FLT1: variants seen among roughly 807,000 people sequenced by gnomAD.
FLT1 encodes vascular endothelial growth factor receptor 1.
Under a neutral mutation model 156.3 loss-of-function variants are expected in FLT1, and 49 were observed. That is an observed-to-expected ratio of 0.31 (90% CI 0.25 to 0.40). The LOEUF is 0.40. Ranked by LOEUF, FLT1 falls within the 10% of genes least tolerant of loss-of-function variation. The probability of loss-of-function intolerance (pLI) is 1.00; values close to 1 mark genes in which losing one functional copy is unlikely to be tolerated. For synonymous variants in FLT1, 594 were observed against 583.8 expected (o/e 1.02, Z -0.25); for missense variants, 1,322 against 1,637.2 (o/e 0.81, Z 3.32).
chr13:28,306,400 T>C (rs1225346647), intron 29 of FLT1, among the ~76,000 whole-genome samples: 1 of 152,178 alleles, frequency 6.6e-6, no homozygotes, highest in Non-Finnish European at 1.5e-5. Flanking sequence ...GGTGGGCACA[T>C]CAGGCTTCTT....
At chr13:28,378,260 G>A (rs1873930624) in intron 14 of FLT1, among the ~76,000 whole-genome samples, 1 of 152,082 alleles carries the variant, frequency 6.6e-6, no homozygotes, top group Non-Finnish European at 1.5e-5. Flanking sequence ...TGTTGGCCAG[G>A]ATGGTCTCGA....
chr13:28,419,661 C>G (rs1457355989), intron 10 of FLT1, among the ~76,000 whole-genome samples: 1 of 152,156 alleles, frequency 6.6e-6, no homozygotes, highest in Non-Finnish European at 1.5e-5. Flanking sequence ...GGATGGATCA[C>G]GAGGTCAGGG....
intron 14 of FLT1, among the ~76,000 whole-genome samples, chr13:28,366,514 G>T (rs558146391): frequency 6.6e-6 from 1 of 151,954 alleles, no homozygotes; most frequent in Non-Finnish European, 1.5e-5. Context: ...TTGTTATCCA[G>T]GCTGGAGTGA....
rs1418072508 is a variant in FLT1, at chr13:28,303,121, G to T, written c.*46C>A. ...ACTGGCAAAAGCTAGTTTCCTGGGG[G>T]TATAAATACACATGTGCTTCTAGAA... On this transcript the variant is annotated 3_prime_UTR_variant, in exon 30 of 30. Coordinates refer to ENST00000282397, the MANE Select transcript of FLT1 (RefSeq NM_002019.4). 3 of 1,541,774 alleles carry T rather than the reference G, an allele frequency of 1.9e-6. No individual in the cohort carries two copies. The highest frequency in any genetic ancestry group is 2.7e-5 in the African/African-American group (2 of 73,756).
At chr13:28,444,100 T>C (rs758294437) in intron 3 of FLT1, among the ~76,000 whole-genome samples, 56 of 152,132 alleles carry the variant, frequency 3.7e-4, no homozygotes, top group African/African-American at 1.1e-3. Context: ...AAGGGAGAAA[T>C]AGACAGTTCA....
Position 28,301,161 on chromosome 13 carries a change from T to G in FLT1, c.*2006A>C. ...TTGTTATCACTATTTGCTGGGCTAT[T>G]ATCTGATTTGGAAAAAAAAAAAAAA... On this transcript the variant is annotated 3_prime_UTR_variant, in exon 30 of 30. Transcript: ENST00000282397. 1 of 227,582 alleles carries G rather than the reference T, an allele frequency of 4.4e-6. No homozygotes were observed. Among genetic ancestry groups the G allele is most frequent in the East Asian group, 6.2e-5 (1 of 16,028 alleles). 14.1% of individuals were successfully genotyped at this position (227,582 alleles called of 1,614,324 possible). A position where few individuals can be genotyped will look rare whatever the true frequency, so the allele number is the denominator to read the frequency against.
intron 7 of FLT1, 146 bp from the exon 8 acceptor site, chr13:28,430,313 T>A: frequency 1.5e-6 from 1 of 682,420 alleles, no homozygotes; most frequent in Non-Finnish European, 2.6e-6. Flanking sequence ...CAAATGTTGA[T>A]CATGAATAGG....
At chr13:28,428,303 AG>A (rs1877468577) in intron 8 of FLT1, among the ~76,000 whole-genome samples, 1 of 152,122 alleles carries the variant, frequency 6.6e-6, no homozygotes, top group African/African-American at 2.4e-5. Context: ...ATTGTAAGTC[AG>A]ATCAAGTAGA....
At chr13:28,384,162 A>G (rs1258365739) in intron 14 of FLT1, among the ~76,000 whole-genome samples, 2 of 152,192 alleles carry the variant, frequency 1.3e-5, no homozygotes, top group Non-Finnish European at 2.9e-5. Context: ...GGCCAGACGC[A>G]GTGGCATGCG....
chr13:28,428,967 T>C (rs1566022364), intron 8 of FLT1, among the ~76,000 whole-genome samples: 1 of 152,090 alleles, frequency 6.6e-6, no homozygotes, highest in African/African-American at 2.4e-5. Flanking sequence ...TTTTTGACGG[T>C]GGATTGAATT....
rs190288044 is a variant in FLT1, at chr13:28,474,983, T to A, written c.65-7366A>T. Among the ~76,000 whole-genome samples the A allele has an allele frequency of 2.4e-3, 361 of 152,342 alleles. 1 individual carries two copies. The highest frequency in any genetic ancestry group is 4.4e-3 in the Non-Finnish European group (302 of 68,028). On this transcript the variant is annotated intron_variant, in intron 1 of 29. Coordinates refer to ENST00000282397, the MANE Select transcript of FLT1 (RefSeq NM_002019.4). ...AAATTTGTTGCCACATATTACCCCA[T>A]CAGTGTGAGATTTTACACTAGTTGT...
chr13:28,493,978 C>A (rs1881603671), intron 1 of FLT1, among the ~76,000 whole-genome samples: 1 of 152,252 alleles, frequency 6.6e-6, no homozygotes, highest in Non-Finnish European at 1.5e-5. Context: ...TATTTGGGCC[C>A]TGGGCTGCCC....
At chr13:28,473,806 GAAAGAAA>G (rs1177255854) in intron 1 of FLT1, among the ~76,000 whole-genome samples, 2 of 131,354 alleles carry the variant, frequency 1.5e-5, no homozygotes, top group Non-Finnish European at 3.3e-5. Flanking sequence ...AAGAAAGAAA[GAAAGAAA>G]GAAAGAAAGA....
At chr13:28,430,434 C>G (rs1458068137) in intron 7 of FLT1, among the ~76,000 whole-genome samples, 1 of 152,166 alleles carries the variant, frequency 6.6e-6, no homozygotes, top group Non-Finnish European at 1.5e-5. Flanking sequence ...TTAAATATCT[C>G]TATCACAATA....
At position 28,326,070 on chromosome 13, in the gene FLT1, C is replaced by A. The variant is rs56231329; in HGVS notation, c.2796+1392G>T. ...TTATCCACCATGTAGATCAGTGGTA[C>A]GAAGTTGGACTCACCCAATTTTTCT... On this transcript the variant is annotated intron_variant, in intron 20 of 29. Coordinates refer to ENST00000282397, the MANE Select transcript of FLT1 (RefSeq NM_002019.4). Among the ~76,000 whole-genome samples, 2 of 152,004 alleles carry A rather than the reference C, an allele frequency of 1.3e-5. 1 individual carries two copies. Among genetic ancestry groups the A allele is most frequent in the African/African-American group, 4.8e-5 (2 of 41,368 alleles).
At chr13:28,436,743 A>G (rs1878046465) in intron 4 of FLT1, among the ~76,000 whole-genome samples, 1 of 152,238 alleles carries the variant, frequency 6.6e-6, no homozygotes, top group African/African-American at 2.4e-5. Flanking sequence ...TTAAACTGTT[A>G]AATAATGCTA....
intron 3 of FLT1, among the ~76,000 whole-genome samples, chr13:28,444,407 C>A (rs1878496887): frequency 6.6e-6 from 1 of 152,068 alleles, no homozygotes; most frequent in South Asian, 2.1e-4. Context: ...CACCACTGCA[C>A]TCCAGCCTGG....
In FLT1 at chr13:28,494,820, C is replaced by T; in HGVS notation, c.24G>A (p.Gly8=). 6.4e-7 allele frequency: 1 copy of T among 1,573,184 alleles called. No homozygotes were observed. Among genetic ancestry groups the T allele is most frequent in the East Asian group, 2.3e-5 (1 of 42,724 alleles). Residue 8 remains glycine, a synonymous_variant, in exon 1 of 30, where the codon GGG becomes GGA. Transcript: ENST00000282397. ...AGCTGAGCAGCGCGCACAGCAGGAC[C>T]CCGGTGTCCCAGTAGCTGACCATGG... is the stretch of plus-strand genomic sequence containing the variant. The part of the protein sequence containing the change: MVSYWDT[G]VLLCALLSCL...
chr13:28,368,671 C>A, intron 14 of FLT1: 6 of 792,748 alleles, frequency 7.6e-6, no homozygotes, highest in Non-Finnish European at 1.3e-5. Context: ...GTTCTAGGTA[C>A]ACAGTAAATA....
Sources: allele counts gnomAD v4.1 joint callset (sites outside exome capture counted in the v4.1 genomes callset), GRCh38; gene constraint gnomAD v4.1.1; transcripts MANE v1.5; gene names NCBI Gene and HGNC (gene_info 2026-07-23, HGNC 2026-07-21).